The following ODAD3 variants were observed in gnomAD, a reference collection of about 807,000 sequenced individuals.
ODAD3 encodes outer dynein arm-docking complex subunit 3.
A neutral mutation model predicts 70.9 loss-of-function variants in ODAD3; 57 were observed. That is an observed-to-expected ratio of 0.80 (90% CI 0.65 to 1.00). The LOEUF is 1.00. ODAD3 is among the 50% of genes least tolerant of loss of function. ODAD3 has a pLI of 0.00. For missense variants in ODAD3, 797 were observed against 763.9 expected, an observed-to-expected ratio of 1.04 and a Z score of -0.51; for synonymous variants, 327 against 315.9, an observed-to-expected ratio of 1.04 and a Z score of -0.37.
Position 11,425,561 on chromosome 19 carries a change from ATG to A in ODAD3, c.963+581_963+582del, listed in dbSNP as rs1357021824. ...TGTGTATGTATGTATATATGTATAT[ATG>A]TGTGTATGTATGTATATATGTATGT... On this transcript the variant is annotated intron_variant, in intron 7 of 12. Coordinates refer to ENST00000356392, the MANE Select transcript of ODAD3 (RefSeq NM_145045.5). 6.0e-3 allele frequency among the ~76,000 whole-genome samples: 788 copies of A among 131,068 alleles called. 69 individuals are homozygous for A. Among genetic ancestry groups the A allele is most frequent in the African/African-American group, 0.027 (732 of 27,096 alleles). The allele number at this position is 131,068 out of a possible 152,430, so 86.0% of individuals were successfully genotyped here. A position where few individuals can be genotyped will look rare whatever the true frequency, so the allele number is the denominator to read the frequency against.
Position 11,420,831 on chromosome 19 carries a change from G to A in ODAD3, c.*4C>T, listed in dbSNP as rs1969112991. 6 of 1,612,264 alleles carry A rather than the reference G, an allele frequency of 3.7e-6. No homozygotes were observed. The highest frequency in any genetic ancestry group is 1.1e-5 in the South Asian group (1 of 91,042). ...GGGGCCGCCTGGTGGGTGTCAGGAC[G>A]AGTCTAGGACCTCCGAGAGCGACGG... On this transcript the variant is annotated 3_prime_UTR_variant, in exon 13 of 13. Transcript: ENST00000356392.
intron 1 of ODAD3, 187 bp from the exon 2 acceptor site, chr19:11,431,207 GTTCAA>G: frequency 1.5e-6 from 1 of 649,736 alleles, no homozygotes; most frequent in South Asian, 2.0e-5. Context: ...CGCCTCCCGG[GTTCAA>G]GAGATTCTCC....
chr19:11,425,265 G>GTGTATATA (rs1969296585), intron 7 of ODAD3, among the ~76,000 whole-genome samples: 1 of 140,154 alleles, frequency 7.1e-6, no homozygotes, highest in Non-Finnish European at 1.5e-5. Context: ...ATGTACATAT[G>GTGTATATA]TGTATATGTG....
rs1175942116 is a variant in ODAD3, at chr19:11,425,053, G to GTGTATATGTGTATATA, written c.964-1040_964-1025dup. On this transcript the variant is annotated intron_variant, in intron 7 of 12. Coordinates refer to ENST00000356392, the MANE Select transcript of ODAD3 (RefSeq NM_145045.5). ...TGCATATATACATATGTGTATATAT[G>GTGTATATGTGTATATA]TGTATATGTGTATATATGTATATGT... 4.3e-4 allele frequency among the ~76,000 whole-genome samples: 52 copies of GTGTATATGTGTATATA among 120,210 alleles called. 4 individuals are homozygous for GTGTATATGTGTATATA. Among genetic ancestry groups the GTGTATATGTGTATATA allele is most frequent in the South Asian group, 7.4e-4 (3 of 4,072 alleles). The allele number at this position is 120,210 out of a possible 152,430, so 78.9% of individuals were successfully genotyped here. A position where few individuals can be genotyped will look rare whatever the true frequency, so the allele number is the denominator to read the frequency against.
At chr19:11,425,829 C>T (rs34103) in intron 7 of ODAD3, among the ~76,000 whole-genome samples, 21,660 of 150,636 alleles carry the variant, frequency 0.14, 3,234 homozygotes, top group African/African-American at 0.39. Flanking sequence ...ACGGTTGGCT[C>T]AGAGGCACGG....
upstream of ODAD3, chr19:11,435,455 C>G: frequency 2.8e-6 from 1 of 358,656 alleles, no homozygotes; most frequent in South Asian, 2.2e-5. Context: ...TACGCTGCGC[C>G]GCCATTAAGA....
rs771032462 is a variant in ODAD3, at chr19:11,420,925, GTCC to G, written c.1695_1697del (p.Glu565del). 19 of 1,613,554 alleles carry G rather than the reference GTCC, an allele frequency of 1.2e-5. No homozygotes were observed. In the Admixed American group the frequency reaches 1.5e-4, roughly 13 times the overall value. ...GTGATGCGCGGGTCACTACCTCGTT[GTCC>G]TCCTCCTCACTCTCTTCGTCTAAGG... On this transcript the variant is annotated inframe_deletion, in exon 13 of 13. Coordinates refer to ENST00000356392, the MANE Select transcript of ODAD3 (RefSeq NM_145045.5).
intron 1 of ODAD3, among the ~76,000 whole-genome samples, chr19:11,433,746 G>C (rs961341953): frequency 6.6e-6 from 1 of 152,140 alleles, no homozygotes; most frequent in Non-Finnish European, 1.5e-5. Flanking sequence ...GGGCAGCATA[G>C]TGAGACCCCA....
Position 11,426,965 on chromosome 19 carries a change from G to T in ODAD3, c.520C>A (p.Arg174=), listed in dbSNP as rs755517768. ...TGGAGCTCCTCCAGCCGCCTCTGCC[G>T]CAACACCACCTGGTGCCGCAGGGCG... is the stretch of plus-strand genomic sequence containing the variant. ...QNALRHQVVL[R]QRRLEELQLQ... is the part of the protein sequence containing the mutation. The change falls in exon 4 of 13, where the codon CGG becomes AGG. Residue 174 remains arginine, a synonymous_variant. Transcript: ENST00000356392. 4.4e-6 allele frequency: 7 copies of T among 1,608,402 alleles called. No homozygotes were observed. Among genetic ancestry groups the T allele is most frequent in the Non-Finnish European group, 5.9e-6 (7 of 1,179,638 alleles).
chr19:11,434,407 G>A (rs1406365130), intron 1 of ODAD3: 5 of 161,240 alleles, frequency 3.1e-5, no homozygotes, highest in South Asian at 1.4e-4. Context: ...GCGTGGTGGC[G>A]TGTGCCTGTA....
chr19:11,425,354 T>TAC (rs1458996975), intron 7 of ODAD3, among the ~76,000 whole-genome samples: 1,445 of 120,656 alleles, frequency 0.012, 132 homozygotes, highest in African/African-American at 0.054. Flanking sequence ...TATATATGTG[T>TAC]ATATGTACAT....
rs761700402 is a variant in ODAD3, at chr19:11,426,678, C to T, written c.714+5G>A. The T allele has an allele frequency of 3.1e-6, 5 of 1,613,836 alleles. No homozygotes were observed. The highest frequency in any genetic ancestry group is 4.2e-6 in the Non-Finnish European group (5 of 1,179,886). ...TCATCTCACCCGAGCCCTCCTAGTCCCTACCATTAGATAGGCCTTGAGCTG... is the reference window on the plus strand; with the variant it reads ...TCATCTCACCCGAGCCCTCCTAGTCTCTACCATTAGATAGGCCTTGAGCTG... On this transcript the variant is annotated splice_donor_5th_base_variant and intron_variant, in intron 5 of 12. Coordinates refer to ENST00000356392, the MANE Select transcript of ODAD3 (RefSeq NM_145045.5).
chr19:11,427,505 G>C (rs1477733495), intron 3 of ODAD3, among the ~76,000 whole-genome samples: 1 of 147,792 alleles, frequency 6.8e-6, no homozygotes, highest in Non-Finnish European at 1.5e-5. Context: ...TTTTTGAAAC[G>C]GAGTCTCGCT....
intron 3 of ODAD3, among the ~76,000 whole-genome samples, chr19:11,428,305 G>C (rs1014116377): frequency 6.6e-6 from 1 of 151,000 alleles, no homozygotes; most frequent in African/African-American, 2.4e-5. Flanking sequence ...GCAGTGGCTC[G>C]ATCTTGGCTC....
rs373614479 is a variant in ODAD3 at position 11,426,124 on chromosome 19, G to A, written c.963+20C>T. ...TGGGCTGGGCTGGAGTCACAGGCGC[G>A]CACCCCTGGGTGCGCCCACCTTGCG... is the stretch of plus-strand genomic sequence containing the variant. On this transcript the variant is annotated intron_variant, in intron 7 of 12. Transcript: ENST00000356392. 4 of 1,598,418 alleles carry A rather than the reference G, an allele frequency of 2.5e-6. No homozygotes were observed. Among genetic ancestry groups the A allele is most frequent in the Non-Finnish European group, 3.4e-6 (4 of 1,176,022 alleles).
At chr19:11,431,930 G>A (rs188611598) in intron 1 of ODAD3, among the ~76,000 whole-genome samples, 353 of 133,402 alleles carry the variant, frequency 2.6e-3, no homozygotes, top group African/African-American at 9.5e-3. Flanking sequence ...GTGACAGAGC[G>A]AGACTCTGCC....
Position 11,422,508 on chromosome 19 carries a change from A to G in ODAD3, c.1397T>C (p.Leu466Pro). 6.3e-7 allele frequency: 1 copy of G among 1,594,356 alleles called. No homozygotes were observed. The change falls in exon 10 of 13, where the codon CTG becomes CCG. Residue 466 changes from leucine (L) to proline (P), a missense_variant. Leu to Pro is a moderately conservative substitution (Grantham distance 98, BLOSUM62 -3). Transcript: ENST00000356392. This position sits in a 1 kb window ranked among gnomAD's most constrained non-coding sequence, Gnocchi z 4.6. ...GATCAGCTTGCTGGCCAGGTGCTCCAGGCTGTCCTTGGCCACTTGCATCGC... is the reference window on the plus strand; with the variant it reads ...GATCAGCTTGCTGGCCAGGTGCTCCGGGCTGTCCTTGGCCACTTGCATCGC... ...LRAMQVAKDS[L>P]EHLASKLIHI...
intron 8 of ODAD3, among the ~76,000 whole-genome samples, chr19:11,423,177 C>T (rs1056688714): frequency 6.6e-6 from 1 of 152,252 alleles, no homozygotes; most frequent in African/African-American, 2.4e-5. Flanking sequence ...GGCCGTGAAT[C>T]TCGCCCGATT....
chr19:11,434,741 CT>C, intron 1 of ODAD3, 31 bp downstream of exon 1: 1 of 1,582,754 alleles, frequency 6.3e-7, no homozygotes, highest in East Asian at 2.3e-5. Context: ...CTGTTGACCC[CT>C]GACCCTCTGT....
Sources: gnomAD v4.1 joint callset for allele counts (sites outside exome capture counted in the v4.1 genomes callset) on GRCh38, gnomAD v4.1.1 for gene constraint, Gnocchi (gnomAD v3.1) non-coding constraint, MANE v1.5 for transcripts, NCBI Gene and HGNC (gene_info 2026-07-23, HGNC 2026-07-21) for gene names.